The following ARL6IP6 variants were observed in gnomAD, a reference collection of about 807,000 sequenced individuals.
The protein encoded by ARL6IP6 is ARF like GTPase 6 interacting protein 6.
ARL6IP6 carries 22 observed loss-of-function variants against 21.5 expected under a neutral mutation model. That is an observed-to-expected ratio of 1.02 (90% CI 0.73 to 1.46). The LOEUF (loss-of-function observed/expected upper bound fraction) is 1.46. Among genes scored for constraint, ARL6IP6 ranks in the 40% most tolerant of loss-of-function variants. ARL6IP6 has a pLI of 0.00. For missense variants in ARL6IP6, 388 were observed against 299.8 expected, an observed-to-expected ratio of 1.29 and a Z score of -2.17; for synonymous variants, 164 against 125.3, an observed-to-expected ratio of 1.31 and a Z score of -2.06.
intron 3 of ARL6IP6, among the ~76,000 whole-genome samples, chr2:152,745,550 T>A (rs1701004725): frequency 6.6e-6 from 1 of 152,046 alleles, no homozygotes; most frequent in African/African-American, 2.4e-5. Context: ...CCATGCAGAC[T>A]AGATTTAACA....
intron 3 of ARL6IP6, among the ~76,000 whole-genome samples, chr2:152,741,015 A>G (rs1210836592): frequency 6.6e-6 from 1 of 152,192 alleles, no homozygotes; most frequent in African/African-American, 2.4e-5. Flanking sequence ...TGAAATCTTC[A>G]GACTTTTATT....
intron 3 of ARL6IP6, among the ~76,000 whole-genome samples, chr2:152,741,660 A>G (rs999274471): frequency 6.6e-6 from 1 of 152,194 alleles, no homozygotes; most frequent in African/African-American, 2.4e-5. Flanking sequence ...TATATATTAG[A>G]TAAATCTTAG....
At chr2:152,724,421 CA>C (rs1472632213) in intron 2 of ARL6IP6, among the ~76,000 whole-genome samples, 2 of 151,902 alleles carry the variant, frequency 1.3e-5, no homozygotes, top group Admixed American at 6.6e-5. Context: ...TCTTCTAAAC[CA>C]AAACTCAAGA....
intron 2 of ARL6IP6, among the ~76,000 whole-genome samples, chr2:152,727,218 TG>T (rs1467116622): frequency 1.3e-5 from 2 of 152,198 alleles, no homozygotes; most frequent in Non-Finnish European, 2.9e-5. Flanking sequence ...CTAATGTGTG[TG>T]TGTCTTAGAT....
In ARL6IP6 at chr2:152,743,635, T is replaced by C. The variant is rs73005612; in HGVS notation, c.587+8509T>C. Among the ~76,000 whole-genome samples the C allele has an allele frequency of 9.2e-3, 1,401 of 152,268 alleles. 22 individuals carry two copies. Among genetic ancestry groups the C allele is most frequent in the African/African-American group, 0.032 (1,323 of 41,534 alleles). ...TTACTATGCCAAGGAAGCTCCTTAATAGGACTATTATTTTATGCTAAAGAT... is the reference window on the plus strand; with the variant it reads ...TTACTATGCCAAGGAAGCTCCTTAACAGGACTATTATTTTATGCTAAAGAT... On this transcript the variant is annotated intron_variant, in intron 3 of 3. Coordinates refer to ENST00000326446, the MANE Select transcript of ARL6IP6 (RefSeq NM_152522.7).
chr2:152,733,591 C>A lies in ARL6IP6; in HGVS notation c.455-1403C>A, dbSNP rs192187720. 4.4e-3 allele frequency among the ~76,000 whole-genome samples: 668 copies of A among 152,190 alleles called. 3 individuals are homozygous for A. Among genetic ancestry groups the A allele is most frequent in the Non-Finnish European group, 6.6e-3 (449 of 68,000 alleles). On this transcript the variant is annotated intron_variant, in intron 2 of 3. Transcript: ENST00000326446. ...TCGTCTATTTGTATATCAGTACACA[C>A]CGTTTTAGGTATTCAGTTCCTATAC... is the stretch of plus-strand genomic sequence containing the variant.
rs1701781971 is a variant in ARL6IP6, at chr2:152,760,377, T to A, written c.*537T>A. 1 of 152,318 alleles carries A rather than the reference T, an allele frequency of 6.6e-6. No individual in the cohort carries two copies. Among genetic ancestry groups the A allele is most frequent in the Non-Finnish European group, 1.5e-5 (1 of 67,990 alleles). The allele number at this position is 152,318 out of a possible 1,614,324, so 9.4% of individuals were successfully genotyped here. Reference sequence around the variant, plus strand: ...ATAATTAATAGAAGTTGCATTTATATTTTTTATGGGGCATAGTTCCTTATG... The same window carrying A: ...ATAATTAATAGAAGTTGCATTTATAATTTTTATGGGGCATAGTTCCTTATG... On this transcript the variant is annotated 3_prime_UTR_variant, in exon 4 of 4. Transcript: ENST00000326446.
At chr2:152,725,353 G>A (rs1699991748) in intron 2 of ARL6IP6, among the ~76,000 whole-genome samples, 1 of 152,050 alleles carries the variant, frequency 6.6e-6, no homozygotes, top group South Asian at 2.1e-4. Flanking sequence ...TAGGATTCCA[G>A]TAAGACTTTC....
At chr2:152,730,823 ACCTAC>A (rs1442202696) in intron 2 of ARL6IP6, among the ~76,000 whole-genome samples, 1 of 152,154 alleles carries the variant, frequency 6.6e-6, no homozygotes, top group Non-Finnish European at 1.5e-5. Flanking sequence ...CTCTGTACTT[ACCTAC>A]CAAGATACTG....
intron 1 of ARL6IP6, chr2:152,720,292 C>T (rs1332914731): frequency 9.4e-6 from 5 of 533,574 alleles, no homozygotes; most frequent in African/African-American, 5.7e-5. Context: ...TTTACCACTA[C>T]CTTAGGGAAT....
At chr2:152,756,874 T>A (rs573019463) in intron 3 of ARL6IP6, among the ~76,000 whole-genome samples, 40 of 152,310 alleles carry the variant, frequency 2.6e-4, no homozygotes, top group Admixed American at 7.2e-4. Context: ...TAAAGCCTAA[T>A]GTATATCTAC....
intron 2 of ARL6IP6, among the ~76,000 whole-genome samples, chr2:152,731,754 A>G (rs1700322582): frequency 6.6e-6 from 1 of 152,174 alleles, no homozygotes; most frequent in South Asian, 2.1e-4. Flanking sequence ...CTCCTCAGAG[A>G]ACCAATGTTA....
At chr2:152,740,834 T>TAC (rs952008406) in intron 3 of ARL6IP6, among the ~76,000 whole-genome samples, 11 of 152,076 alleles carry the variant, frequency 7.2e-5, no homozygotes, top group African/African-American at 2.4e-4. Flanking sequence ...GTGAAATATT[T>TAC]ACACACACAC....
intron 3 of ARL6IP6, among the ~76,000 whole-genome samples, chr2:152,738,727 G>C (rs1336046606): frequency 6.6e-6 from 1 of 152,114 alleles, no homozygotes; most frequent in African/African-American, 2.4e-5. Flanking sequence ...AGGCCTCCCA[G>C]CTTGTGATGG....
chr2:152,737,241 T>A (rs1242108914), intron 3 of ARL6IP6, among the ~76,000 whole-genome samples: 2 of 152,192 alleles, frequency 1.3e-5, no homozygotes, highest in Non-Finnish European at 1.5e-5. Flanking sequence ...CTCTTGCTGT[T>A]CTCTCTCCCT....
intron 2 of ARL6IP6, among the ~76,000 whole-genome samples, chr2:152,730,240 C>G (rs1700246061): frequency 6.6e-6 from 1 of 152,144 alleles, no homozygotes; most frequent in African/African-American, 2.4e-5. Context: ...GACAGGTACC[C>G]TATTAAAGCA....
intron 3 of ARL6IP6, among the ~76,000 whole-genome samples, chr2:152,748,869 C>G (rs1701181896): frequency 6.6e-6 from 1 of 152,160 alleles, no homozygotes; most frequent in Admixed American, 6.5e-5. Context: ...TATAGAGATT[C>G]AGTTCAGATC....
intron 3 of ARL6IP6, among the ~76,000 whole-genome samples, chr2:152,752,554 C>T (rs1245227665): frequency 6.6e-6 from 1 of 152,204 alleles, no homozygotes; most frequent in Non-Finnish European, 1.5e-5. Flanking sequence ...TGAGAAAGTG[C>T]TCCGCAGGGT....
intron 3 of ARL6IP6, among the ~76,000 whole-genome samples, chr2:152,736,866 C>T (rs114246149): frequency 9.0e-4 from 137 of 152,240 alleles, no homozygotes; most frequent in Non-Finnish European, 1.7e-3. Flanking sequence ...GATGTGCATA[C>T]GTTATAGGCT....
Sources: allele counts gnomAD v4.1 joint callset (sites outside exome capture counted in the v4.1 genomes callset), GRCh38; gene constraint gnomAD v4.1.1; transcripts MANE v1.5; gene names NCBI Gene and HGNC (gene_info 2026-07-23, HGNC 2026-07-21).